Variants in C3 observed in about 807,000 individuals in gnomAD.
The protein encoded by C3 is C3 and PZP-like alpha-2-macroglobulin domain-containing protein 1.
Under a neutral mutation model 207.9 loss-of-function variants are expected in C3, and 97 were observed. The observed-to-expected ratio is 0.47, with a 90% confidence interval of 0.40 to 0.55. The LOEUF is 0.55. C3 is among the 20% of genes least tolerant of loss of function. The probability of loss-of-function intolerance (pLI) is 0.00; values close to 1 mark genes in which losing one functional copy is unlikely to be tolerated. For missense variants in C3, 1,684 were observed against 2,171.7 expected, an observed-to-expected ratio of 0.78 and a Z score of 4.46; for synonymous variants, 848 against 857.6, an observed-to-expected ratio of 0.99 and a Z score of 0.20.
Position 6,718,096 on chromosome 19 carries a change from C to T in C3, c.502G>A (p.Glu168Lys). The T allele has an allele frequency of 1.9e-6, 3 of 1,614,148 alleles. No individual in the cohort carries two copies. The highest frequency in any genetic ancestry group is 2.5e-6 in the Non-Finnish European group (3 of 1,180,012). Residue 168 changes from glutamate (E) to lysine (K), a missense_variant and splice_region_variant, in exon 4 of 41, where the codon GAG (glutamate) becomes AAG (lysine). Physicochemically the swap from Glu to Lys is moderately conservative, Grantham distance 56 (BLOSUM62 1). This residue lies in a region of C3 where 1,280 missense variants were observed against 1,739.1 expected (regional missense o/e 0.74). Coordinates refer to ENST00000245907, the MANE Select transcript of C3 (RefSeq NM_000064.4). Reference sequence around the variant, plus strand: ...CTGGGGCCCCCTCTGGCTGGCACCTCAATGTTGACCATGACCGTCCGGCCC... The same window carrying T: ...CTGGGGCCCCCTCTGGCTGGCACCTTAATGTTGACCATGACCGTCCGGCCC... The part of the protein sequence containing the change: ...PVGRTVMVNI[E>K]NPEGIPVKQD...
Position 6,686,332 on chromosome 19 carries a change from G to A in C3, c.3647-45C>T, listed in dbSNP as rs754838187. 5.0e-6 allele frequency: 8 copies of A among 1,603,960 alleles called. No homozygotes were observed. The South Asian group carries it at 5.5e-5, about 11-fold the overall frequency. On this transcript the variant is annotated intron_variant, in intron 28 of 40. Transcript: ENST00000245907. ...TCCCCAGTGCTCACTGCTCTGTCCA[G>A]CCTGGGGATGGCTCAGAGAAAGCTC...
intron 27 of C3, among the ~76,000 whole-genome samples, chr19:6,688,698 T>C (rs1021904623): frequency 2.0e-5 from 3 of 152,238 alleles, no homozygotes; most frequent in Non-Finnish European, 4.4e-5. Context: ...TTTCACAGCC[T>C]GTGCTATACT....
Position 6,712,240 on chromosome 19 carries a change from G to C in C3, c.1269+17C>G. ...GTCTTCCCAGTGATGGGGTTCCGAG[G>C]CTGGGCCCAGACGCACCGTGATGCT... On this transcript the variant is annotated intron_variant, in intron 11 of 40. Transcript: ENST00000245907. 6.2e-7 allele frequency: 1 copy of C among 1,613,058 alleles called. No individual in the cohort carries two copies. The highest frequency in any genetic ancestry group is 8.5e-7 in the Non-Finnish European group (1 of 1,179,990).
intron 29 of C3, among the ~76,000 whole-genome samples, chr19:6,685,364 G>A (rs1190976607): frequency 2.0e-5 from 3 of 152,142 alleles, no homozygotes; most frequent in African/African-American, 7.2e-5. Flanking sequence ...TGGAGATGCT[G>A]AGAACATGTC....
Position 6,713,488 on chromosome 19 carries a change from C to T in C3, c.795G>A (p.Val265=), listed in dbSNP as rs1967964448. 2 of 1,613,760 alleles carry T rather than the reference C, an allele frequency of 1.2e-6. No individual in the cohort carries two copies. Among genetic ancestry groups the T allele is most frequent in the East Asian group, 2.2e-5 (1 of 44,872 alleles). ...ITARFLYGKK[V]EGTAFVIFGI... ...CGAAGATGACAAAGGCAGTTCCCTC[C>T]ACTTTCTTCCCGTAGAGGAACCTAC... is the stretch of plus-strand genomic sequence containing the variant. The change falls in exon 8 of 41, where the codon GTG becomes GTA. Residue 265 remains valine, a synonymous_variant. Coordinates refer to ENST00000245907, the MANE Select transcript of C3 (RefSeq NM_000064.4).
chr19:6,716,934 T>C (rs1454435334), intron 4 of C3: 1 of 152,210 alleles, frequency 6.6e-6, no homozygotes, highest in Non-Finnish European at 1.5e-5. Context: ...GAGAACAAGC[T>C]GTGTGGATAT....
At chr19:6,718,768 G>C (rs959153529) in intron 2 of C3, among the ~76,000 whole-genome samples, 1 of 150,878 alleles carries the variant, frequency 6.6e-6, no homozygotes, top group Non-Finnish European at 1.5e-5. Flanking sequence ...GTTCAGAAGA[G>C]GAGACTTCGA....
chr19:6,688,494 A>C (rs1918070196), intron 27 of C3, among the ~76,000 whole-genome samples: 1 of 150,690 alleles, frequency 6.6e-6, no homozygotes, highest in Admixed American at 6.6e-5. Flanking sequence ...GAAATTTAAC[A>C]CTGGGCTCCA....
chr19:6,684,525 A>G (rs375601057), intron 32 of C3, 35 bp downstream of exon 32: 10 of 1,581,436 alleles, frequency 6.3e-6, no homozygotes, highest in South Asian at 1.1e-5. Flanking sequence ...GAGGGGTAGG[A>G]GGAAGGTGAC....
chr19:6,693,810 G>A (rs2355314), intron 24 of C3, among the ~76,000 whole-genome samples: 1,823 of 151,558 alleles, frequency 0.012, 36 homozygotes, highest in African/African-American at 0.042. Context: ...GGCCTCAGAT[G>A]AGAGTGGCTG....
At chr19:6,702,055 G>T in intron 19 of C3, 72 bp downstream of exon 19, 1 of 832,746 alleles carries the variant, frequency 1.2e-6, no homozygotes. Flanking sequence ...GATTGAGTTT[G>T]GATAAAATGA....
intron 23 of C3, among the ~76,000 whole-genome samples, chr19:6,696,126 C>T (rs543485370): frequency 3.4e-5 from 5 of 148,048 alleles, no homozygotes; most frequent in East Asian, 2.1e-4. Flanking sequence ...AGGAGAATGG[C>T]GTGAACCCGG....
chr19:6,717,700 G>C (rs373564508), intron 4 of C3: 1 of 364,590 alleles, frequency 2.7e-6, no homozygotes, highest in African/African-American at 2.2e-5. Context: ...TGTGTGTATT[G>C]CGTGGTTGTG....
At chr19:6,697,918 G>C (rs752163802) in intron 19 of C3, 124 bp from the exon 20 acceptor site, 5 of 881,492 alleles carry the variant, frequency 5.7e-6, no homozygotes, top group Non-Finnish European at 8.9e-6. Context: ...CTTTGCTGAA[G>C]CCTGTGAACT....
At chr19:6,711,297 CT>C in intron 11 of C3, 101 bp from the exon 12 acceptor site, 2 of 887,674 alleles carry the variant, frequency 2.3e-6, no homozygotes. Context: ...ACAAAAGGGG[CT>C]TTGCAGATGG....
intron 4 of C3, among the ~76,000 whole-genome samples, chr19:6,715,691 G>A (rs1363812890): frequency 3.4e-5 from 5 of 148,338 alleles, no homozygotes; most frequent in African/African-American, 5.0e-5. Flanking sequence ...GCGAGATCTC[G>A]GCTCACTGCA....
chr19:6,707,894 G>A lies in C3; in HGVS notation c.1881C>T (p.Cys627=). The A allele has an allele frequency of 6.2e-7, 1 of 1,613,890 alleles. No individual in the cohort carries two copies. The highest frequency in any genetic ancestry group is 2.2e-5 in the East Asian group (1 of 44,884). Reference sequence around the variant, plus strand: ...CGTAATCCTTCCCACTGCCCGGGGTGCAGCCGATGTCTGCCTTCTCCACCA... The same window carrying A: ...CGTAATCCTTCCCACTGCCCGGGGTACAGCCGATGTCTGCCTTCTCCACCA... ...WDVVEKADIG[C]TPGSGKDYAG... Residue 627 remains cysteine, a synonymous_variant, in exon 15 of 41, where the codon TGC becomes TGT. Coordinates refer to ENST00000245907, the MANE Select transcript of C3 (RefSeq NM_000064.4).
chr19:6,685,162 G>C lies in C3; in HGVS notation c.3811-16C>G, dbSNP rs775176775. ...TGAAGGTGGCCTAGAACCCACAAGA[G>C]AGAAAGATGGTGATCTGGGAGCCTG... is the stretch of plus-strand genomic sequence containing the variant. On this transcript the variant is annotated splice_polypyrimidine_tract_variant and intron_variant, in intron 29 of 40. Coordinates refer to ENST00000245907, the MANE Select transcript of C3 (RefSeq NM_000064.4). 2.0e-5 allele frequency: 33 copies of C among 1,612,680 alleles called. No homozygotes were observed. The highest frequency in any genetic ancestry group is 2.5e-5 in the Non-Finnish European group (30 of 1,179,120).
At position 6,707,384 on chromosome 19, in the gene C3, T is replaced by C; in HGVS notation, c.2047+82A>G. 4 of 1,597,682 alleles carry C rather than the reference T, an allele frequency of 2.5e-6. No homozygotes were observed. In the South Asian group the frequency reaches 4.4e-5, roughly 18 times the overall value. ...TCCCCGCCGCCAGGGCCTCCCCTCCTCCCTCTCTGGCTCCTGCACGGCCGG... is the reference window on the plus strand; with the variant it reads ...TCCCCGCCGCCAGGGCCTCCCCTCCCCCCTCTCTGGCTCCTGCACGGCCGG... On this transcript the variant is annotated intron_variant, in intron 16 of 40. Transcript: ENST00000245907.
Sources: allele counts gnomAD v4.1 joint callset (sites outside exome capture counted in the v4.1 genomes callset), GRCh38; gene constraint gnomAD v4.1.1; regional missense constraint gnomAD v4.1.1; transcripts MANE v1.5; gene names NCBI Gene and HGNC (gene_info 2026-07-23, HGNC 2026-07-21).